TMED10: variants seen among roughly 807,000 people sequenced by gnomAD.
The protein encoded by TMED10 is transmembrane emp24 domain-containing protein 10.
In TMED10, 7 loss-of-function variants were observed where a neutral mutation model predicts 23.1. The ratio of observed to expected loss-of-function variants is 0.30; its 90% CI spans 0.17 to 0.57. The LOEUF is 0.57. Among genes scored for constraint, TMED10 ranks in the 20% least tolerant of loss-of-function variants. TMED10 has a pLI of 0.91. For synonymous variants in TMED10, 113 were observed against 106.9 expected (o/e 1.06, Z -0.35); for missense variants, 162 against 274.8 (o/e 0.59, Z 2.90).
intron 3 of TMED10, among the ~76,000 whole-genome samples, chr14:75,140,253 A>C (rs1895805386): frequency 6.6e-6 from 1 of 151,960 alleles, no homozygotes; most frequent in Non-Finnish European, 1.5e-5. Flanking sequence ...GGCACGTGCC[A>C]CCACGCCCAG....
intron 1 of TMED10, among the ~76,000 whole-genome samples, chr14:75,162,436 C>T (rs1193705580): frequency 6.6e-6 from 1 of 152,176 alleles, no homozygotes; most frequent in Non-Finnish European, 1.5e-5. Flanking sequence ...TGAATCTACA[C>T]TTACATATAA....
chr14:75,147,625 C>G (rs1261106615), intron 3 of TMED10, 39 bp downstream of exon 3: 2 of 1,607,434 alleles, frequency 1.2e-6, no homozygotes, highest in Non-Finnish European at 1.7e-6. Context: ...CACAGCATAG[C>G]ACACTGCTGC....
At chr14:75,162,210 AGAG>A (rs1291143622) in intron 1 of TMED10, among the ~76,000 whole-genome samples, 3 of 152,334 alleles carry the variant, frequency 2.0e-5, no homozygotes, top group East Asian at 1.9e-4. Flanking sequence ...GGTTGCAGTG[AGAG>A]GAGATTATGC....
chr14:75,135,551 T>C, intron 4 of TMED10: 2 of 573,418 alleles, frequency 3.5e-6, no homozygotes, highest in South Asian at 4.7e-5. Context: ...TTGAGGATGT[T>C]GTCACCTGCC....
intron 1 of TMED10, among the ~76,000 whole-genome samples, chr14:75,175,039 C>CAAAAAAAAAA (rs57423430): frequency 3.1e-4 from 27 of 87,062 alleles, no homozygotes; most frequent in African/African-American, 7.0e-4. Flanking sequence ...GACTCCGTCT[C>CAAAAAAAAAA]AAAAAAAAAA....
chr14:75,167,814 C>T (rs1460042610), intron 1 of TMED10, among the ~76,000 whole-genome samples: 3 of 152,076 alleles, frequency 2.0e-5, no homozygotes, highest in Non-Finnish European at 4.4e-5. Context: ...CACTGCACTC[C>T]AGCCAGAGCA....
chr14:75,137,169 C>G (rs1284779547), intron 3 of TMED10, among the ~76,000 whole-genome samples: 4 of 151,536 alleles, frequency 2.6e-5, no homozygotes, highest in Non-Finnish European at 5.9e-5. Context: ...CGCCACCACA[C>G]CCAGCTAATT....
At chr14:75,139,917 AATCT>A (rs1218356101) in intron 3 of TMED10, among the ~76,000 whole-genome samples, 4 of 152,214 alleles carry the variant, frequency 2.6e-5, no homozygotes, top group Non-Finnish European at 5.9e-5. Flanking sequence ...TTCTATGTTG[AATCT>A]AAACCTAGAA....
At chr14:75,136,170 T>C (rs1895747313) in intron 3 of TMED10, among the ~76,000 whole-genome samples, 1 of 152,322 alleles carries the variant, frequency 6.6e-6, no homozygotes, top group Admixed American at 6.5e-5. Context: ...TTTTTTACTT[T>C]TTTTTTGAGA....
chr14:75,161,853 C>G (rs1203959146), intron 1 of TMED10, among the ~76,000 whole-genome samples: 2 of 151,574 alleles, frequency 1.3e-5, no homozygotes, highest in African/African-American at 4.8e-5. Flanking sequence ...GAAAAAGATG[C>G]CTTAAAAATA....
chr14:75,167,640 G>C (rs990587351), intron 1 of TMED10, among the ~76,000 whole-genome samples: 1 of 152,140 alleles, frequency 6.6e-6, no homozygotes, highest in African/African-American at 2.4e-5. Flanking sequence ...TAAGGGATCT[G>C]TTTGGCTTTC....
intron 1 of TMED10, among the ~76,000 whole-genome samples, chr14:75,168,329 G>A (rs186151433): frequency 6.6e-6 from 1 of 152,156 alleles, no homozygotes; most frequent in East Asian, 1.9e-4. Context: ...TTCTCAGCCA[G>A]GTCTGACACA....
At chr14:75,166,049 C>T (rs1231273566) in intron 1 of TMED10, among the ~76,000 whole-genome samples, 2 of 151,918 alleles carry the variant, frequency 1.3e-5, no homozygotes, top group South Asian at 2.1e-4. Context: ...ACGAAAGACC[C>T]GTTGCTGCCC....
intron 1 of TMED10, among the ~76,000 whole-genome samples, chr14:75,158,248 T>C (rs1896044925): frequency 6.6e-6 from 1 of 152,208 alleles, no homozygotes; most frequent in Admixed American, 6.5e-5. Flanking sequence ...AATTTAGCCT[T>C]GAAGATTCTT....
At chr14:75,159,247 A>G (rs1896058147) in intron 1 of TMED10, among the ~76,000 whole-genome samples, 1 of 152,258 alleles carries the variant, frequency 6.6e-6, no homozygotes, top group Non-Finnish European at 1.5e-5. Flanking sequence ...GTTGCAGACA[A>G]CATTGAACTT....
intron 2 of TMED10, among the ~76,000 whole-genome samples, chr14:75,150,109 A>T (rs1895938241): frequency 6.6e-6 from 1 of 152,152 alleles, no homozygotes; most frequent in African/African-American, 2.4e-5. Flanking sequence ...ACACACACAC[A>T]AAAAAAGGAC....
chr14:75,169,222 C>G (rs1252530176), intron 1 of TMED10, among the ~76,000 whole-genome samples: 1 of 152,072 alleles, frequency 6.6e-6, no homozygotes, highest in Non-Finnish European at 1.5e-5. Flanking sequence ...ATAGTTTATC[C>G]CAGGAGATGG....
In TMED10 at chr14:75,132,073, T is replaced by C. The variant is rs538635042; in HGVS notation, c.*2812A>G. 3.3e-5 allele frequency: 5 copies of C among 152,662 alleles called. No homozygotes were observed. The highest frequency in any genetic ancestry group is 1.2e-4 in the African/African-American group (5 of 41,550). The allele number at this position is 152,662 out of a possible 1,614,324, so 9.5% of individuals were successfully genotyped here. ...ATCTTGTTAGGCTAACGGTACATGATAGAAATTTCACATTTAAAAGTTTAA... is the reference window on the plus strand; with the variant it reads ...ATCTTGTTAGGCTAACGGTACATGACAGAAATTTCACATTTAAAAGTTTAA... On this transcript the variant is annotated 3_prime_UTR_variant, in exon 5 of 5. Transcript: ENST00000303575.
At chr14:75,175,731 A>G (rs1452722610) in intron 1 of TMED10, among the ~76,000 whole-genome samples, 2 of 152,104 alleles carry the variant, frequency 1.3e-5, no homozygotes, top group Non-Finnish European at 2.9e-5. Flanking sequence ...CCTAGAACTT[A>G]AAGTATAATA....
Sources: allele counts gnomAD v4.1 joint callset (sites outside exome capture counted in the v4.1 genomes callset), GRCh38; gene constraint gnomAD v4.1.1; transcripts MANE v1.5; gene names NCBI Gene and HGNC (gene_info 2026-07-23, HGNC 2026-07-21).